STK33: variants seen among roughly 807,000 people sequenced by gnomAD.
STK33 encodes serine/threonine-protein kinase 33.
Under a neutral mutation model 58.0 loss-of-function variants are expected in STK33, and 52 were observed. The ratio of observed to expected loss-of-function variants is 0.90; its 90% CI spans 0.72 to 1.13. The LOEUF is 1.13. Ranked by LOEUF, STK33 falls within the 50% of genes most tolerant of loss-of-function variation. STK33 has a pLI of 0.00. For synonymous variants in STK33, 215 were observed against 200.1 expected (o/e 1.07, Z -0.63); for missense variants, 630 against 604.2 (o/e 1.04, Z -0.45).
At chr11:8,493,931 A>G (rs1415460036) in intron 1 of STK33, among the ~76,000 whole-genome samples, 5 of 152,214 alleles carry the variant, frequency 3.3e-5, no homozygotes, top group Admixed American at 6.5e-5. Flanking sequence ...AAAACTACGC[A>G]CTGATGGAAT....
At chr11:8,349,280 T>C in the STK33 span, among the ~76,000 whole-genome samples, 8 of 152,270 alleles carry the variant, frequency 5.3e-5, no homozygotes, top group Admixed American at 3.9e-4. Flanking sequence ...ATAAGTGCCA[T>C]GCAAGTGTTA....
chr11:8,472,011 A>T (rs1948823909), intron 6 of STK33, among the ~76,000 whole-genome samples: 1 of 152,120 alleles, frequency 6.6e-6, no homozygotes, highest in Admixed American at 6.6e-5. Context: ...CTGCAGCCTC[A>T]AACTTCTGGG....
At chr11:8,388,135 C>A (rs1848569614), downstream of STK33, among the ~76,000 whole-genome samples, 1 of 152,090 alleles carries the variant, frequency 6.6e-6, no homozygotes, top group Non-Finnish European at 1.5e-5. Context: ...GGTCCAGGAT[C>A]TGGCTAAGGT....
At chr11:8,481,336 A>AAAC (rs1278306018) in intron 1 of STK33, among the ~76,000 whole-genome samples, 1 of 152,248 alleles carries the variant, frequency 6.6e-6, no homozygotes, top group Non-Finnish European at 1.5e-5. Context: ...AATAAAACAG[A>AAAC]AACAACAACA....
At chr11:8,343,899 C>T in the STK33 span, among the ~76,000 whole-genome samples, 2 of 152,118 alleles carry the variant, frequency 1.3e-5, no homozygotes, top group Non-Finnish European at 2.9e-5. Context: ...AGCTCCCATT[C>T]CCCCCAAGGG....
chr11:8,409,948 T>A (rs1395493758), intron 15 of STK33, among the ~76,000 whole-genome samples: 1 of 152,066 alleles, frequency 6.6e-6, no homozygotes, highest in East Asian at 1.9e-4. Flanking sequence ...GAAGCCAGAA[T>A]CTGAATCCAG....
At chr11:8,375,651 G>C in the STK33 span, among the ~76,000 whole-genome samples, 2 of 152,168 alleles carry the variant, frequency 1.3e-5, no homozygotes, top group Admixed American at 1.3e-4. Flanking sequence ...AGGCAGATCA[G>C]TGAGCCATGG....
chr11:8,517,739 A>C (rs373703519), intron 1 of STK33, among the ~76,000 whole-genome samples: 14 of 152,336 alleles, frequency 9.2e-5, no homozygotes, highest in South Asian at 8.3e-4. Flanking sequence ...AAAGGGTATC[A>C]GTGATTGAAC....
chr11:8,363,197 G>C, the STK33 span, among the ~76,000 whole-genome samples: 1 of 152,122 alleles, frequency 6.6e-6, no homozygotes, highest in Non-Finnish European at 1.5e-5. Context: ...GGGCGGGCGA[G>C]GGAAGAGAGT....
chr11:8,434,492 G>GT (rs2136232664), intron 14 of STK33, among the ~76,000 whole-genome samples: 1 of 152,140 alleles, frequency 6.6e-6, no homozygotes, highest in South Asian at 2.1e-4. Flanking sequence ...TTCAGCAATT[G>GT]TTTGAGTATT....
chr11:8,566,910 T>C (rs1957487640), intron 1 of STK33, among the ~76,000 whole-genome samples: 1 of 152,178 alleles, frequency 6.6e-6, no homozygotes, highest in Admixed American at 6.5e-5. Flanking sequence ...GGCTCATGCC[T>C]GTAATCCTAG....
At chr11:8,423,195 TTCA>T (rs1389705961) in intron 14 of STK33, among the ~76,000 whole-genome samples, 1 of 151,690 alleles carries the variant, frequency 6.6e-6, no homozygotes, top group Non-Finnish European at 1.5e-5. Flanking sequence ...TTGTTTTTTT[TTCA>T]AAGAACCAAA....
intron 1 of STK33, among the ~76,000 whole-genome samples, chr11:8,510,635 G>A (rs538654308): frequency 6.8e-4 from 103 of 152,266 alleles, no homozygotes; most frequent in African/African-American, 2.4e-3. Context: ...ATAGTTTCAA[G>A]TCTTAGATTT....
chr11:8,534,075 G>C (rs1954765038), intron 1 of STK33, among the ~76,000 whole-genome samples: 1 of 152,110 alleles, frequency 6.6e-6, no homozygotes, highest in East Asian at 1.9e-4. Flanking sequence ...AGGAGTTCAA[G>C]ACCAGCCTGG....
At chr11:8,373,196 C>T in the STK33 span, among the ~76,000 whole-genome samples, 1 of 152,096 alleles carries the variant, frequency 6.6e-6, no homozygotes, top group African/African-American at 2.4e-5. Flanking sequence ...AGCAGAAGGA[C>T]GCGAGGCCTC....
At chr11:8,547,870 G>C (rs1328801185) in intron 1 of STK33, among the ~76,000 whole-genome samples, 1 of 151,984 alleles carries the variant, frequency 6.6e-6, no homozygotes, top group Non-Finnish European at 1.5e-5. Context: ...TAGGGACATA[G>C]ATGAAGCTGG....
chr11:8,478,833 A>G (rs16938253), intron 2 of STK33, among the ~76,000 whole-genome samples: 25,286 of 152,056 alleles, frequency 0.17, 2,673 homozygotes, highest in South Asian at 0.32. Context: ...TACAAAGCCT[A>G]AAGAAGGGCC....
the STK33 span, among the ~76,000 whole-genome samples, chr11:8,359,173 G>T: frequency 6.6e-6 from 1 of 152,194 alleles, no homozygotes; most frequent in South Asian, 2.1e-4. Flanking sequence ...AGTGAGATGT[G>T]TGACCCCAAA....
chr11:8,412,246 G>T (rs1304921779), intron 15 of STK33, among the ~76,000 whole-genome samples: 1 of 152,030 alleles, frequency 6.6e-6, no homozygotes. Context: ...TGTTCAATAA[G>T]AAATGCAAAC....
Sources: gnomAD v4.1 joint callset for allele counts (sites outside exome capture counted in the v4.1 genomes callset) on GRCh38, gnomAD v4.1.1 for gene constraint, MANE v1.5 for transcripts, NCBI Gene and HGNC (gene_info 2026-07-23, HGNC 2026-07-21) for gene names.